KHDRBS2: variants seen among roughly 807,000 people sequenced by gnomAD.
The protein encoded by KHDRBS2 is KH domain-containing, RNA-binding, signal transduction-associated protein 2.
In KHDRBS2, 26 loss-of-function variants were observed where a neutral mutation model predicts 44.3. That is an observed-to-expected ratio of 0.59 (90% CI 0.43 to 0.81). The LOEUF (loss-of-function observed/expected upper bound fraction) is 0.81, where lower values mean the gene tolerates loss of function less well. KHDRBS2 is among the 40% of genes least tolerant of loss of function. The probability of loss-of-function intolerance (pLI) is 0.00; values close to 1 mark genes in which losing one functional copy is unlikely to be tolerated. For synonymous variants in KHDRBS2, 194 were observed against 151.1 expected (o/e 1.28, Z -2.08); for missense variants, 476 against 433.1 (o/e 1.10, Z -0.88).
chr6:61,997,005 A>G (rs1027813123), intron 3 of KHDRBS2, among the ~76,000 whole-genome samples: 26 of 151,746 alleles, frequency 1.7e-4, no homozygotes, highest in African/African-American at 5.8e-4. Context: ...CTGGTCTCAA[A>G]CTCCTGACCT....
At chr6:61,953,947 G>T (rs1765328047) in intron 4 of KHDRBS2, among the ~76,000 whole-genome samples, 1 of 152,122 alleles carries the variant, frequency 6.6e-6, no homozygotes, top group Admixed American at 6.6e-5. Context: ...CCTATGACAA[G>T]TTTCTAGACT....
At chr6:61,742,881 T>C (rs893758245) in intron 6 of KHDRBS2, among the ~76,000 whole-genome samples, 1 of 152,128 alleles carries the variant, frequency 6.6e-6, no homozygotes, top group Non-Finnish European at 1.5e-5. Flanking sequence ...CCTATGTAGA[T>C]TGTAGCTGCT....
intron 3 of KHDRBS2, among the ~76,000 whole-genome samples, chr6:62,002,727 T>C (rs1778488061): frequency 6.6e-6 from 1 of 151,332 alleles, no homozygotes; most frequent in Admixed American, 6.6e-5. Context: ...ATCTATTGCA[T>C]GTTCTTTTTC....
chr6:61,812,135 C>T (rs1465133873), intron 6 of KHDRBS2, among the ~76,000 whole-genome samples: 3 of 151,610 alleles, frequency 2.0e-5, no homozygotes, highest in Non-Finnish European at 4.4e-5. Context: ...TTAAAATTTA[C>T]CTTCCTTTAT....
chr6:62,050,877 A>C (rs779340601), intron 2 of KHDRBS2, among the ~76,000 whole-genome samples: 9 of 152,120 alleles, frequency 5.9e-5, no homozygotes, highest in Non-Finnish European at 1.2e-4. Flanking sequence ...ATCACCATTA[A>C]GCCAGATGTA....
intron 2 of KHDRBS2, among the ~76,000 whole-genome samples, chr6:62,168,178 C>T (rs1819095559): frequency 1.3e-5 from 2 of 152,078 alleles, no homozygotes; most frequent in South Asian, 4.1e-4. Flanking sequence ...AAAACCAGCA[C>T]AGGGGAATGT....
At chr6:62,009,621 G>A (rs1779914931) in intron 3 of KHDRBS2, among the ~76,000 whole-genome samples, 2 of 152,124 alleles carry the variant, frequency 1.3e-5, no homozygotes. Flanking sequence ...GGTTTTGTGG[G>A]CCAGGCCCAG....
At chr6:61,717,184 G>C (rs1771582009) in intron 7 of KHDRBS2, among the ~76,000 whole-genome samples, 4 of 151,848 alleles carry the variant, frequency 2.6e-5, no homozygotes, top group Admixed American at 2.6e-4. Flanking sequence ...AAACTACTTA[G>C]GCAAGTAGTT....
chr6:62,172,339 A>G (rs1417116927), intron 2 of KHDRBS2, among the ~76,000 whole-genome samples: 1 of 152,162 alleles, frequency 6.6e-6, no homozygotes, highest in East Asian at 1.9e-4. Flanking sequence ...GAGAAAAAGA[A>G]GTACATTATA....
chr6:62,156,447 G>T (rs1209730911), intron 2 of KHDRBS2, among the ~76,000 whole-genome samples: 1 of 152,062 alleles, frequency 6.6e-6, no homozygotes, highest in Non-Finnish European at 1.5e-5. Context: ...TGGCATACAT[G>T]ATCATATGTT....
At chr6:61,906,394 G>T (rs1407730374) in intron 4 of KHDRBS2, among the ~76,000 whole-genome samples, 2 of 151,576 alleles carry the variant, frequency 1.3e-5, no homozygotes, top group East Asian at 3.9e-4. Context: ...CTTTGTGTTA[G>T]GAACATTCCA....
chr6:62,108,103 T>G (rs1333764489), intron 2 of KHDRBS2, among the ~76,000 whole-genome samples: 31 of 152,084 alleles, frequency 2.0e-4, no homozygotes, highest in Non-Finnish European at 1.5e-5. Context: ...TGGGATCTAA[T>G]TAAACTAAAG....
intron 2 of KHDRBS2, among the ~76,000 whole-genome samples, chr6:62,092,832 T>A (rs1273684458): frequency 6.6e-6 from 1 of 152,124 alleles, no homozygotes; most frequent in African/African-American, 2.4e-5. Context: ...GTAAGCCATA[T>A]GAATCCTGGA....
chr6:61,635,144 G>A, the KHDRBS2 span, among the ~76,000 whole-genome samples: 125,572 of 151,960 alleles, frequency 0.83, 52,139 homozygotes, highest in Non-Finnish European at 0.87. Flanking sequence ...CAAAAAGTAT[G>A]TTTTAATTTT....
intron 1 of KHDRBS2, among the ~76,000 whole-genome samples, chr6:62,203,951 T>C (rs1418715967): frequency 1.3e-5 from 2 of 152,152 alleles, no homozygotes; most frequent in East Asian, 1.9e-4. Flanking sequence ...GTTCTCACTC[T>C]ATTAATTCAC....
chr6:61,543,889 C>T, the KHDRBS2 span, among the ~76,000 whole-genome samples: 1 of 151,752 alleles, frequency 6.6e-6, no homozygotes, highest in Admixed American at 6.6e-5. Flanking sequence ...TTTGTGGGAG[C>T]TAAAAATCGA....
At chr6:61,700,430 G>T (rs1324968350) in intron 7 of KHDRBS2, among the ~76,000 whole-genome samples, 2 of 149,576 alleles carry the variant, frequency 1.3e-5, no homozygotes, top group Admixed American at 6.8e-5. Context: ...GAGCATACTA[G>T]ATATTTGTAA....
chr6:62,084,587 A>G (rs1420606161), intron 2 of KHDRBS2, among the ~76,000 whole-genome samples: 11 of 152,210 alleles, frequency 7.2e-5, no homozygotes, highest in Admixed American at 6.5e-5. Flanking sequence ...TTATGGGGCT[A>G]TCTCAAGGCA....
intron 4 of KHDRBS2, among the ~76,000 whole-genome samples, chr6:61,970,853 C>A (rs909910649): frequency 6.6e-6 from 1 of 152,110 alleles, no homozygotes; most frequent in Non-Finnish European, 1.5e-5. Context: ...ATGAGTATAA[C>A]ATGCCCTCTT....
Sources: gnomAD v4.1 joint callset for allele counts (sites outside exome capture counted in the v4.1 genomes callset) on GRCh38, gnomAD v4.1.1 for gene constraint, MANE v1.5 for transcripts, NCBI Gene and HGNC (gene_info 2026-07-23, HGNC 2026-07-21) for gene names.